Variants in TOX observed in about 807,000 individuals in gnomAD.
The protein encoded by TOX is thymocyte selection associated high mobility group box.
In TOX, 11 loss-of-function variants were observed where a neutral mutation model predicts 53.7. The observed-to-expected ratio is 0.20, with a 90% CI of 0.13 to 0.34. The LOEUF (loss-of-function observed/expected upper bound fraction) is 0.34. Ranked by LOEUF, TOX falls within the 10% of genes least tolerant of loss-of-function variation. TOX has a pLI of 1.00. For synonymous variants in TOX, 225 were observed against 245.3 expected (o/e 0.92, Z 0.77); for missense variants, 570 against 664.6 (o/e 0.86, Z 1.56).
At chr8:58,889,325 A>G (rs1811523905) in intron 3 of TOX, among the ~76,000 whole-genome samples, 1 of 152,056 alleles carries the variant, frequency 6.6e-6, no homozygotes, top group South Asian at 2.1e-4. Flanking sequence ...CAATGATTAA[A>G]AAAACAATAA....
In TOX at chr8:58,940,405, A is replaced by C. The variant is rs943548467; in HGVS notation, c.169-861T>G. ...AAAGGGAGGGAGGGGAACAGGAAGG[A>C]AAGATTATGTGAGGACATGCCTGTT... On this transcript the variant is annotated intron_variant, in intron 2 of 8. Coordinates refer to ENST00000361421, the MANE Select transcript of TOX (RefSeq NM_014729.3). Among the ~76,000 whole-genome samples, 4 of 152,092 alleles carry C rather than the reference A, an allele frequency of 2.6e-5. No individual in the cohort carries two copies. In the South Asian group the frequency reaches 8.3e-4, roughly 32 times the overall value.
chr8:58,932,160 C>A (rs1348585948), intron 3 of TOX, among the ~76,000 whole-genome samples: 1 of 151,976 alleles, frequency 6.6e-6, no homozygotes. Context: ...CCCAACCAAC[C>A]CGCATATTTA....
chr8:59,053,666 T>C (rs1384260341), intron 1 of TOX, among the ~76,000 whole-genome samples: 1 of 152,232 alleles, frequency 6.6e-6, no homozygotes, highest in African/African-American at 2.4e-5. Flanking sequence ...TTATGGAATC[T>C]AGGGAATTTG....
intron 3 of TOX, among the ~76,000 whole-genome samples, chr8:58,901,767 A>C (rs1198580914): frequency 6.6e-6 from 1 of 152,200 alleles, no homozygotes; most frequent in Non-Finnish European, 1.5e-5. Context: ...AGCTGGTTCA[A>C]GCTAGATCAG....
intron 1 of TOX, among the ~76,000 whole-genome samples, chr8:59,037,773 G>T (rs912624426): frequency 7.1e-6 from 1 of 140,120 alleles, no homozygotes; most frequent in African/African-American, 2.7e-5. Context: ...TTGCACTCCA[G>T]CCTGGGCAAC....
intron 3 of TOX, among the ~76,000 whole-genome samples, chr8:58,911,943 C>T (rs1309846583): frequency 6.6e-6 from 1 of 152,206 alleles, no homozygotes; most frequent in Non-Finnish European, 1.5e-5. Flanking sequence ...CTCAGGAGAT[C>T]TGCCTACCTC....
intron 6 of TOX, among the ~76,000 whole-genome samples, chr8:58,824,325 T>C (rs1259344770): frequency 2.6e-5 from 4 of 152,226 alleles, no homozygotes; most frequent in African/African-American, 4.8e-5. Context: ...TCAGGGTATC[T>C]GTCCCTTACC....
intron 1 of TOX, among the ~76,000 whole-genome samples, chr8:58,987,305 T>C (rs752252484): frequency 2.0e-5 from 3 of 152,036 alleles, no homozygotes; most frequent in Non-Finnish European, 4.4e-5. Context: ...CCCAGCACTG[T>C]GAGGAGAAAG....
intron 1 of TOX, among the ~76,000 whole-genome samples, chr8:59,116,701 C>A (rs1462744698): frequency 6.6e-6 from 1 of 152,200 alleles, no homozygotes; most frequent in Non-Finnish European, 1.5e-5. Context: ...CTATTAGAAA[C>A]ATGTCTTATG....
chr8:59,057,039 T>C (rs1244505986), intron 1 of TOX, among the ~76,000 whole-genome samples: 1 of 152,206 alleles, frequency 6.6e-6, no homozygotes, highest in African/African-American at 2.4e-5. Flanking sequence ...ACGTAGTTCT[T>C]TCCTCCCAAA....
At chr8:58,895,606 T>TCTGATAGGA (rs1385348993) in intron 3 of TOX, among the ~76,000 whole-genome samples, 1 of 152,218 alleles carries the variant, frequency 6.6e-6, no homozygotes, top group Non-Finnish European at 1.5e-5. Context: ...TAAACCAAAA[T>TCTGATAGGA]CTGATAGGAC....
intron 1 of TOX, among the ~76,000 whole-genome samples, chr8:59,006,625 T>A (rs1474570885): frequency 1.3e-5 from 2 of 152,196 alleles, no homozygotes; most frequent in Non-Finnish European, 2.9e-5. Context: ...ACCTAATATA[T>A]ATCTAATCCT....
chr8:59,037,062 A>G (rs1422168378), intron 1 of TOX, among the ~76,000 whole-genome samples: 2 of 152,116 alleles, frequency 1.3e-5, no homozygotes, highest in South Asian at 2.1e-4. Context: ...GATATTATTC[A>G]GTCATTTTCT....
chr8:58,939,173 A>G, intron 3 of TOX, 129 bp downstream of exon 3: 1 of 1,214,454 alleles, frequency 8.2e-7, no homozygotes, highest in Non-Finnish European at 1.2e-6. Flanking sequence ...TGATTTATAA[A>G]TAACTGTCTC....
intron 1 of TOX, among the ~76,000 whole-genome samples, chr8:59,082,116 C>T (rs1394998243): frequency 6.6e-6 from 1 of 152,120 alleles, no homozygotes; most frequent in Non-Finnish European, 1.5e-5. Flanking sequence ...TTGGGTAGAT[C>T]CATAAGTAGT....
chr8:59,056,813 G>C (rs1803897766), intron 1 of TOX, among the ~76,000 whole-genome samples: 1 of 152,174 alleles, frequency 6.6e-6, no homozygotes, highest in Non-Finnish European at 1.5e-5. Flanking sequence ...ACTAGAAAAA[G>C]ACAAAAGCAA....
intron 1 of TOX, among the ~76,000 whole-genome samples, chr8:59,015,580 G>T (rs935759313): frequency 1.3e-5 from 2 of 152,038 alleles, no homozygotes; most frequent in East Asian, 3.8e-4. Flanking sequence ...TCGTAATTAC[G>T]ATTATAAAAT....
intron 5 of TOX, among the ~76,000 whole-genome samples, chr8:58,830,816 C>A (rs2594964): frequency 0.88 from 133,176 of 152,182 alleles, 58,274 homozygotes; most frequent in East Asian, 0.92. Flanking sequence ...GTTCAAATGT[C>A]GTTTTTCCCA....
rs1447965924 is a variant in TOX, at chr8:58,927,386, G to A, written c.411+11916C>T. On this transcript the variant is annotated intron_variant, in intron 3 of 8. Transcript: ENST00000361421. ...TGCAAATTTACCAAGCCTCTACCAAGTGTAAAAGCACGGCTCCCAGCCTCA... is the reference window on the plus strand; with the variant it reads ...TGCAAATTTACCAAGCCTCTACCAAATGTAAAAGCACGGCTCCCAGCCTCA... 2.0e-5 allele frequency among the ~76,000 whole-genome samples: 3 copies of A among 152,146 alleles called. No homozygotes were observed. The South Asian group carries it at 6.2e-4, about 31-fold the overall frequency.
Sources: gnomAD v4.1 joint callset for allele counts (sites outside exome capture counted in the v4.1 genomes callset) on GRCh38, gnomAD v4.1.1 for gene constraint, MANE v1.5 for transcripts, NCBI Gene and HGNC (gene_info 2026-07-23, HGNC 2026-07-21) for gene names.